The following LTBP1 variants were observed in gnomAD, a reference collection of about 807,000 sequenced individuals.
LTBP1 encodes latent transforming growth factor beta binding protein 1, also known as latent-transforming growth factor beta-binding protein 1.
LTBP1 carries 129 observed loss-of-function variants against 207.6 expected under a neutral mutation model. That is an observed-to-expected ratio of 0.62 (90% CI 0.54 to 0.72). LTBP1 has a LOEUF of 0.72. Among genes scored for constraint, LTBP1 ranks in the 30% least tolerant of loss-of-function variants. LTBP1 has a pLI of 0.00. For missense variants in LTBP1, 2,281 were observed against 2,217.2 expected (o/e 1.03, Z -0.58); for synonymous variants, 963 against 833.7 (o/e 1.16, Z -2.67).
intron 31 of LTBP1, among the ~76,000 whole-genome samples, chr2:33,372,471 A>G (rs2095081240): frequency 6.6e-6 from 1 of 152,262 alleles, no homozygotes; most frequent in South Asian, 2.1e-4. Context: ...TCAATGGACT[A>G]ATGAACTAAA....
chr2:32,994,684 C>G (rs1684977166), intron 2 of LTBP1, among the ~76,000 whole-genome samples: 2 of 152,258 alleles, frequency 1.3e-5, no homozygotes, highest in African/African-American at 4.8e-5. Flanking sequence ...TCAGGCTGTT[C>G]TCGAACTCCT....
chr2:33,025,106 A>G (rs1488431186), intron 3 of LTBP1, among the ~76,000 whole-genome samples: 1 of 152,134 alleles, frequency 6.6e-6, no homozygotes, highest in Non-Finnish European at 1.5e-5. Flanking sequence ...GTGATCCTAG[A>G]TTAGGGAGAG....
At chr2:33,066,808 C>T (rs981467817) in intron 3 of LTBP1, among the ~76,000 whole-genome samples, 1 of 152,146 alleles carries the variant, frequency 6.6e-6, no homozygotes, top group African/African-American at 2.4e-5. Flanking sequence ...GTTATCCAAG[C>T]CAGGAAAGCC....
At chr2:33,189,705 A>G (rs921740422) in intron 7 of LTBP1, among the ~76,000 whole-genome samples, 2 of 152,214 alleles carry the variant, frequency 1.3e-5, no homozygotes, top group African/African-American at 4.8e-5. Flanking sequence ...GACAGGAAGT[A>G]ATATTTCATG....
intron 4 of LTBP1, among the ~76,000 whole-genome samples, chr2:33,123,453 A>G (rs2081264786): frequency 6.6e-6 from 1 of 152,158 alleles, no homozygotes; most frequent in African/African-American, 2.4e-5. Context: ...AGTACATAGC[A>G]GGCATGCTCT....
intron 2 of LTBP1, among the ~76,000 whole-genome samples, chr2:32,985,599 C>T (rs894712462): frequency 2.0e-4 from 30 of 152,166 alleles, no homozygotes; most frequent in Admixed American, 2.0e-3. Context: ...ACAGATGAAT[C>T]AAATGCAGTC....
Position 33,285,003 on chromosome 2 carries a change from G to C in LTBP1, c.3112+4845G>C, listed in dbSNP as rs543574244. Among the ~76,000 whole-genome samples, 5 of 150,516 alleles carry C rather than the reference G, an allele frequency of 3.3e-5. No homozygotes were observed. In the East Asian group the frequency reaches 7.8e-4, roughly 23 times the overall value. On this transcript the variant is annotated intron_variant, in intron 19 of 33. Transcript: ENST00000404816. ...AAACATAAGAGATGCAGTAATAACTGGTACTTGGTAAAGTAAGTTATGTAT... is the reference window on the plus strand; with the variant it reads ...AAACATAAGAGATGCAGTAATAACTCGTACTTGGTAAAGTAAGTTATGTAT...
At chr2:33,121,643 G>T (rs962480599) in intron 4 of LTBP1, among the ~76,000 whole-genome samples, 1 of 152,186 alleles carries the variant, frequency 6.6e-6, no homozygotes, top group Non-Finnish European at 1.5e-5. Flanking sequence ...TTCCATGGAG[G>T]AGCTGGCTGG....
rs77026495 is a variant in LTBP1 at position 32,964,150 on chromosome 2, T to A, written c.565+15205T>A. 4.0e-3 allele frequency among the ~76,000 whole-genome samples: 604 copies of A among 152,288 alleles called. 2 individuals carry two copies. The highest frequency in any genetic ancestry group is 0.013 in the African/African-American group (533 of 41,552). ...GCCCAGTTGTTCCTTGGGGTCATGC[T>A]GACTCCATCCTGGAAGTTGCTGGAG... On this transcript the variant is annotated intron_variant, in intron 2 of 33. Coordinates refer to ENST00000404816, the MANE Select transcript of LTBP1 (RefSeq NM_206943.4).
intron 5 of LTBP1, among the ~76,000 whole-genome samples, chr2:33,162,608 G>GA (rs2084564625): frequency 6.6e-6 from 1 of 152,184 alleles, no homozygotes; most frequent in East Asian, 1.9e-4. Flanking sequence ...CAGCTCATGA[G>GA]CAGATGGAAG....
intron 2 of LTBP1, among the ~76,000 whole-genome samples, chr2:32,953,692 G>A (rs1051417136): frequency 1.1e-4 from 16 of 152,278 alleles, no homozygotes; most frequent in Admixed American, 2.6e-4. Context: ...CTTTATCGAA[G>A]TTTTTGCTGC....
chr2:33,364,424 G>A, intron 30 of LTBP1, 68 bp downstream of exon 30: 3 of 1,469,138 alleles, frequency 2.0e-6, no homozygotes, highest in Non-Finnish European at 1.8e-6. Context: ...TAACTAAAAT[G>A]TGAACTATTG....
chr2:32,952,643 G>C (rs1037212112), intron 2 of LTBP1, among the ~76,000 whole-genome samples: 3 of 149,956 alleles, frequency 2.0e-5, no homozygotes, highest in African/African-American at 7.3e-5. Context: ...CATTTTTGTA[G>C]TTTTTTTTTT....
chr2:33,151,503 G>T (rs561674632), intron 5 of LTBP1, among the ~76,000 whole-genome samples: 1 of 151,974 alleles, frequency 6.6e-6, no homozygotes, highest in Admixed American at 6.6e-5. Context: ...GGTACAGGTG[G>T]TATTTGGTTG....
intron 5 of LTBP1, among the ~76,000 whole-genome samples, chr2:33,180,817 A>G (rs766599481): frequency 2.6e-5 from 4 of 152,122 alleles, no homozygotes; most frequent in Non-Finnish European, 5.9e-5. Flanking sequence ...ATTATATAAC[A>G]TATTTGTTAT....
chr2:33,200,463 A>G (rs1314341541), intron 7 of LTBP1, among the ~76,000 whole-genome samples: 1 of 152,254 alleles, frequency 6.6e-6, no homozygotes, highest in Non-Finnish European at 1.5e-5. Context: ...TATACCTTAT[A>G]CAAAAATTAA....
chr2:33,356,190 A>G (rs1419001548), intron 26 of LTBP1, among the ~76,000 whole-genome samples: 4 of 152,154 alleles, frequency 2.6e-5, no homozygotes, highest in African/African-American at 9.7e-5. Context: ...CAGGGAAGAA[A>G]TGTAACAATG....
At chr2:33,314,535 GAGA>G (rs1255780737) in intron 23 of LTBP1, among the ~76,000 whole-genome samples, 1 of 152,200 alleles carries the variant, frequency 6.6e-6, no homozygotes, top group Non-Finnish European at 1.5e-5. Flanking sequence ...GCAAAAGAGT[GAGA>G]CCCTGTCTCT....
At position 33,342,392 on chromosome 2, in the gene LTBP1, C is replaced by T. The variant is rs142827094; in HGVS notation, c.3731-446C>T. ...TTGTGTAGTCTGGATCAAGGTTATC[C>T]ACAAGGTTAAGTAAACTATTGCTCA... On this transcript the variant is annotated intron_variant, in intron 24 of 33. Transcript: ENST00000404816. 4.2e-4 allele frequency among the ~76,000 whole-genome samples: 64 copies of T among 152,288 alleles called. 1 individual carries two copies. In the East Asian group the frequency reaches 0.01, roughly 24 times the overall value.
Sources: gnomAD v4.1 joint callset for allele counts (sites outside exome capture counted in the v4.1 genomes callset) on GRCh38, gnomAD v4.1.1 for gene constraint, MANE v1.5 for transcripts, NCBI Gene and HGNC (gene_info 2026-07-23, HGNC 2026-07-21) for gene names.